DAPK1: variants seen among roughly 807,000 people sequenced by gnomAD.
The protein encoded by DAPK1 is death-associated protein kinase 1.
A neutral mutation model predicts 144.9 loss-of-function variants in DAPK1; 56 were observed. The observed-to-expected ratio is 0.39, with a 90% confidence interval of 0.31 to 0.48. DAPK1 has a LOEUF of 0.48. DAPK1 is among the 20% of genes least tolerant of loss of function. The pLI is 0.95. For missense variants in DAPK1, 1,454 were observed against 1,875.4 expected, an observed-to-expected ratio of 0.78 and a Z score of 4.15; for synonymous variants, 690 against 749.0, an observed-to-expected ratio of 0.92 and a Z score of 1.29.
intron 18 of DAPK1, among the ~76,000 whole-genome samples, chr9:87,665,269 T>C (rs528949329): frequency 1.2e-4 from 18 of 152,318 alleles, no homozygotes; most frequent in Non-Finnish European, 2.5e-4. Context: ...TATTCACTGC[T>C]GTATCCATAG....
rs371727516 is a variant in DAPK1 at position 87,562,864 on chromosome 9, T to G, written c.63-42090T>G. On this transcript the variant is annotated intron_variant, in intron 2 of 25. Transcript: ENST00000408954. ...CAGAGCAAAGACAATTTGCTTTATA[T>G]TAAACTTAAGGAATGATTTAAAGAG... is the stretch of plus-strand genomic sequence containing the variant. Among the ~76,000 whole-genome samples, 23 of 152,356 alleles carry G rather than the reference T, an allele frequency of 1.5e-4. No homozygotes were observed. The East Asian group carries it at 3.9e-3, about 26-fold the overall frequency.
chr9:87,584,001 C>T (rs1827843133), intron 2 of DAPK1, among the ~76,000 whole-genome samples: 1 of 152,176 alleles, frequency 6.6e-6, no homozygotes, highest in Non-Finnish European at 1.5e-5. Context: ...GGGCTGGATA[C>T]ATTTTTGTAG....
At chr9:87,525,938 AC>A (rs1825491070) in intron 2 of DAPK1, among the ~76,000 whole-genome samples, 2 of 152,118 alleles carry the variant, frequency 1.3e-5, no homozygotes, top group Admixed American at 6.5e-5. Context: ...TTACCAAGAA[AC>A]AGTAAATATT....
intron 2 of DAPK1, among the ~76,000 whole-genome samples, chr9:87,568,652 G>A (rs1827222385): frequency 6.6e-6 from 1 of 152,182 alleles, no homozygotes; most frequent in South Asian, 2.1e-4. Context: ...CTCTGCACAA[G>A]GTGACAACCC....
At chr9:87,623,425 C>T (rs1046439277) in intron 3 of DAPK1, among the ~76,000 whole-genome samples, 1 of 152,110 alleles carries the variant, frequency 6.6e-6, no homozygotes, top group African/African-American at 2.4e-5. Context: ...AAAGTATTTC[C>T]AAATGTGGAT....
intron 2 of DAPK1, among the ~76,000 whole-genome samples, chr9:87,571,651 C>T (rs936380348): frequency 4.6e-5 from 7 of 152,182 alleles, no homozygotes; most frequent in South Asian, 2.1e-4. Flanking sequence ...GCTGCCCATC[C>T]GTCTGCCAGC....
intron 3 of DAPK1, among the ~76,000 whole-genome samples, chr9:87,611,403 A>G (rs1339574293): frequency 6.6e-6 from 1 of 152,180 alleles, no homozygotes; most frequent in African/African-American, 2.4e-5. Flanking sequence ...CTCCTGCGTC[A>G]GCCTCCTGAG....
chr9:87,532,071 C>G (rs1016914650), intron 2 of DAPK1, among the ~76,000 whole-genome samples: 3 of 152,180 alleles, frequency 2.0e-5, no homozygotes, highest in Admixed American at 2.0e-4. Context: ...ATTAATGCCA[C>G]TCTTTGATTT....
chr9:87,525,382 C>G lies in DAPK1; in HGVS notation c.62+26243C>G. ...GCTCTTGTTGCGTGTGTTCAAACAA[C>G]CGGCACGGTCTGATCCGGAAATATG... On this transcript the variant is annotated intron_variant, in intron 2 of 25. Coordinates refer to ENST00000408954, the MANE Select transcript of DAPK1 (RefSeq NM_004938.4). 5.0e-6 allele frequency: 8 copies of G among 1,611,418 alleles called. No homozygotes were observed. The South Asian group carries it at 8.8e-5, about 18-fold the overall frequency.
chr9:87,651,560 C>A lies in DAPK1; in HGVS notation c.1660C>A (p.Arg554=). The change falls in exon 17 of 26, where the codon CGG becomes AGG. Residue 554 remains arginine (R), a synonymous_variant. Coordinates refer to ENST00000408954, the MANE Select transcript of DAPK1 (RefSeq NM_004938.4). ...CATTGCCCTTCATCTGGCTGTAAGACGGTGTCAGATGGAGGTAATCAAGAC... is the reference window on the plus strand; with the variant it reads ...CATTGCCCTTCATCTGGCTGTAAGAAGGTGTCAGATGGAGGTAATCAAGAC... The part of the protein sequence containing the change: ...GHIALHLAVR[R]CQMEVIKTLL... The A allele has an allele frequency of 6.2e-7, 1 of 1,614,114 alleles. No homozygotes were observed. The highest frequency in any genetic ancestry group is 1.1e-5 in the South Asian group (1 of 91,074).
At chr9:87,549,556 T>A (rs1826395415) in intron 2 of DAPK1, among the ~76,000 whole-genome samples, 1 of 152,226 alleles carries the variant, frequency 6.6e-6, no homozygotes, top group African/African-American at 2.4e-5. Flanking sequence ...CCAAACCTTA[T>A]TCTGTTTTAA....
At position 87,706,168 on chromosome 9, in the gene DAPK1, C is replaced by T. The variant is rs1230943725; in HGVS notation, c.3097C>T (p.Leu1033=). ...GCAAAGTGAAACAGTTCAGGACGTGCTGCTCCTGGACCCCCGCTGGCTCTG... is the reference window on the plus strand; with the variant it reads ...GCAAAGTGAAACAGTTCAGGACGTGTTGCTCCTGGACCCCCGCTGGCTCTG... ...IMQSETVQDV[L]LLDPRWLCTN... is the part of the protein sequence containing the mutation. Residue 1033 remains leucine (L), a synonymous_variant, in exon 26 of 26, where the codon CTG becomes TTG. Transcript: ENST00000408954. This position sits in a 1 kb window ranked among gnomAD's most constrained non-coding sequence, Gnocchi z 9.0. 1.9e-6 allele frequency: 3 copies of T among 1,608,258 alleles called. No homozygotes were observed. Among genetic ancestry groups the T allele is most frequent in the Non-Finnish European group, 1.7e-6 (2 of 1,175,414 alleles).
chr9:87,573,528 C>G (rs1827440547), intron 2 of DAPK1, among the ~76,000 whole-genome samples: 1 of 152,310 alleles, frequency 6.6e-6, no homozygotes, highest in Middle Eastern at 3.4e-3. Context: ...CTGAAGGAGG[C>G]TTGGTGTGTT....
chr9:87,656,371 G>A (rs1214172957), intron 17 of DAPK1, among the ~76,000 whole-genome samples: 2 of 152,110 alleles, frequency 1.3e-5, no homozygotes, highest in Non-Finnish European at 2.9e-5. Flanking sequence ...AACAGTGGCC[G>A]TTTCCTCTGC....
Position 87,703,199 on chromosome 9 carries a change from G to A in DAPK1, c.3042G>A (p.Gln1014=). The A allele has an allele frequency of 6.2e-7, 1 of 1,610,532 alleles. No homozygotes were observed. The highest frequency in any genetic ancestry group is 8.5e-7 in the Non-Finnish European group (1 of 1,176,710). ...SEEDLRRIAQ[Q]LHSTGEINIM... ...AGGACCTCAGGCGCATTGCTCAGCA[G>A]CTCCACAGCACAGGCGAGGTGAGCC... Residue 1014 remains glutamine, a synonymous_variant, in exon 25 of 26, where the codon CAG becomes CAA. Coordinates refer to ENST00000408954, the MANE Select transcript of DAPK1 (RefSeq NM_004938.4).
rs1825312120 is a variant in DAPK1, at chr9:87,697,777, AC to A, written c.2611+575del. ...AGACCAGCCTGGCCCACATGGCAAAACCTCATCTCTACAAAACATACAAAAA... is the reference window on the plus strand; with the variant it reads ...AGACCAGCCTGGCCCACATGGCAAAACTCATCTCTACAAAACATACAAAAA... On this transcript the variant is annotated intron_variant, in intron 22 of 25. Coordinates refer to ENST00000408954, the MANE Select transcript of DAPK1 (RefSeq NM_004938.4). Among the ~76,000 whole-genome samples, 6 of 152,250 alleles carry A rather than the reference AC, an allele frequency of 3.9e-5. No homozygotes were observed. The South Asian group carries it at 1.2e-3, about 32-fold the overall frequency.
intron 11 of DAPK1, among the ~76,000 whole-genome samples, chr9:87,644,152 T>C (rs186798571): frequency 1.5e-4 from 23 of 152,318 alleles, no homozygotes; most frequent in African/African-American, 5.1e-4. Flanking sequence ...CTCTAGTTAT[T>C]TTTCCTTTGT....
chr9:87,623,129 T>G (rs1829363588), intron 3 of DAPK1, among the ~76,000 whole-genome samples: 1 of 152,168 alleles, frequency 6.6e-6, no homozygotes, highest in Non-Finnish European at 1.5e-5. Context: ...TGGTAATGAC[T>G]TCCACCTTCT....
rs1825712616 is a variant in DAPK1, at chr9:87,708,398, G to A, written c.*1034G>A. On this transcript the variant is annotated 3_prime_UTR_variant, in exon 26 of 26. Coordinates refer to ENST00000408954, the MANE Select transcript of DAPK1 (RefSeq NM_004938.4). The stretch of plus-strand genomic sequence containing the variant: ...TAAAAGCAGAAAATAAAGGAAGCAA[G>A]TTTTCTTCCATGATTTTAAATTGTG... The A allele has an allele frequency of 6.5e-6, 1 of 152,800 alleles. No homozygotes were observed. Among genetic ancestry groups the A allele is most frequent in the Admixed American group, 6.5e-5 (1 of 15,288 alleles). The allele number at this position is 152,800 out of a possible 1,614,324, so 9.5% of individuals were successfully genotyped here.
Sources: allele counts gnomAD v4.1 joint callset (sites outside exome capture counted in the v4.1 genomes callset), GRCh38; gene constraint gnomAD v4.1.1; non-coding constraint Gnocchi (gnomAD v3.1); transcripts MANE v1.5; gene names NCBI Gene and HGNC (gene_info 2026-07-23, HGNC 2026-07-21).